The following SLC6A20 variants were observed in gnomAD, a reference collection of about 807,000 sequenced individuals.
SLC6A20 encodes the protein solute carrier family 6 member 20.
SLC6A20 carries 73 observed loss-of-function variants against 64.3 expected under a neutral mutation model. The ratio of observed to expected loss-of-function variants is 1.14; its 90% confidence interval spans 0.94 to 1.38. The LOEUF (loss-of-function observed/expected upper bound fraction) is 1.38, where lower values mean the gene tolerates loss of function less well. Ranked by LOEUF, SLC6A20 falls within the 40% of genes most tolerant of loss-of-function variation. SLC6A20 has a pLI of 0.00. For missense variants in SLC6A20, 725 were observed against 772.8 expected (o/e 0.94, Z 0.73); for synonymous variants, 347 against 329.6 (o/e 1.05, Z -0.57).
At chr3:45,767,664 A>G (rs1699798554) in intron 7 of SLC6A20, among the ~76,000 whole-genome samples, 1 of 152,220 alleles carries the variant, frequency 6.6e-6, no homozygotes. Flanking sequence ...AAAACTGATA[A>G]GAAACATTGG....
rs1230931322 is a variant in SLC6A20, at chr3:45,796,387, C to T, written c.33G>A (p.Ser11=). 8.1e-6 allele frequency: 13 copies of T among 1,612,742 alleles called. No individual in the cohort carries two copies. Among genetic ancestry groups the T allele is most frequent in the South Asian group, 1.1e-5 (1 of 90,984 alleles). ...AGATGCAGGCGAACACGAACTGTAGCGAGTTGGCCCACAGCGGCCGCGCTT... is the reference window on the plus strand; with the variant it reads ...AGATGCAGGCGAACACGAACTGTAGTGAGTTGGCCCACAGCGGCCGCGCTT... The part of the protein sequence containing the change: MEKARPLWAN[S]LQFVFACISY... The change falls in exon 1 of 11, where the codon TCG becomes TCA. Residue 11 remains serine, a synonymous_variant. Coordinates refer to ENST00000358525, the MANE Select transcript of SLC6A20 (RefSeq NM_020208.4).
rs1306993709 is a variant in SLC6A20 at position 45,771,296 on chromosome 3, T to C, written c.856A>G (p.Thr286Ala). The C allele has an allele frequency of 1.2e-6, 2 of 1,613,988 alleles. No individual in the cohort carries two copies. Among genetic ancestry groups the C allele is most frequent in the Admixed American group, 1.7e-5 (1 of 59,986 alleles). Residue 286 changes from threonine to alanine, a missense_variant, in exon 6 of 11, where the codon ACC becomes GCC. Coordinates refer to ENST00000358525, the MANE Select transcript of SLC6A20 (RefSeq NM_020208.4). The stretch of plus-strand genomic sequence containing the variant: ...GTGACAATGCTGGCAAATATGGAGG[T>C]GAAGCTGTTGATGAGGGACACGATG... ...AIIVSLINSF[T>A]SIFASIVTFS... is the part of the protein sequence containing the mutation.
At chr3:45,764,150 T>C (rs369920997) in intron 8 of SLC6A20, among the ~76,000 whole-genome samples, 1 of 151,854 alleles carries the variant, frequency 6.6e-6, no homozygotes, top group Non-Finnish European at 1.5e-5. Context: ...CTGATTGGAG[T>C]GGAGCAGATG....
intron 4 of SLC6A20, 152 bp from the exon 5 acceptor site, chr3:45,772,767 A>G (rs1699898736): frequency 3.0e-6 from 2 of 671,936 alleles, no homozygotes; most frequent in South Asian, 1.8e-5. Context: ...GGTCACACAC[A>G]GGCTCTGGGT....
At chr3:45,776,663 G>A (rs906866383) in intron 3 of SLC6A20, among the ~76,000 whole-genome samples, 1 of 152,166 alleles carries the variant, frequency 6.6e-6, no homozygotes, top group Non-Finnish European at 1.5e-5. Context: ...TACATTGCAG[G>A]AAATGCCATT....
chr3:45,777,456 G>A (rs962492074), intron 3 of SLC6A20, among the ~76,000 whole-genome samples: 36 of 152,226 alleles, frequency 2.4e-4, no homozygotes, highest in Non-Finnish European at 1.5e-5. Flanking sequence ...CAGAAGTGGT[G>A]TCTCTTGCCT....
chr3:45,777,996 T>C (rs544644755), intron 3 of SLC6A20, among the ~76,000 whole-genome samples: 9 of 152,304 alleles, frequency 5.9e-5, no homozygotes, highest in Admixed American at 4.6e-4. Context: ...ATCTCCCCAG[T>C]GTGCAGCCAG....
At chr3:45,785,332 G>A (rs999118129) in intron 1 of SLC6A20, among the ~76,000 whole-genome samples, 1 of 152,162 alleles carries the variant, frequency 6.6e-6, no homozygotes, top group Non-Finnish European at 1.5e-5. Flanking sequence ...ATTAACATTT[G>A]AGTTAGTGGG....
chr3:45,775,735 C>G, intron 4 of SLC6A20, 26 bp downstream of exon 4: 1 of 1,599,350 alleles, frequency 6.3e-7, no homozygotes, highest in Non-Finnish European at 8.5e-7. Context: ...CCAGGAGCAC[C>G]GGGCTTCTGT....
At chr3:45,763,940 C>T (rs1699728350) in intron 8 of SLC6A20, among the ~76,000 whole-genome samples, 1 of 152,178 alleles carries the variant, frequency 6.6e-6, no homozygotes, top group African/African-American at 2.4e-5. Context: ...TATGGGCACA[C>T]CTAGTGTTGG....
intron 5 of SLC6A20, 195 bp downstream of exon 5, chr3:45,772,310 G>C (rs1433080028): frequency 3.7e-6 from 2 of 538,424 alleles, no homozygotes; most frequent in Admixed American, 7.2e-5. Flanking sequence ...TTAACAGGGA[G>C]TGGGGATGAC....
chr3:45,785,845 G>A (rs1256096371), intron 1 of SLC6A20, among the ~76,000 whole-genome samples: 1 of 152,204 alleles, frequency 6.6e-6, no homozygotes, highest in African/African-American at 2.4e-5. Context: ...TGGTGTCCAT[G>A]TTGGTACCAG....
intron 1 of SLC6A20, among the ~76,000 whole-genome samples, chr3:45,791,451 A>T (rs1305463602): frequency 2.0e-5 from 3 of 152,204 alleles, no homozygotes; most frequent in African/African-American, 7.2e-5. Flanking sequence ...CTTCTCCACC[A>T]GTAGGCAGAC....
At position 45,759,943 on chromosome 3, in the gene SLC6A20, G is replaced by A. The variant is rs1699638100; in HGVS notation, c.1543C>T (p.Leu515=). 1 of 1,614,232 alleles carries A rather than the reference G, an allele frequency of 6.2e-7. No individual in the cohort carries two copies. The stretch of plus-strand genomic sequence containing the variant: ...AAGACAAAGAGGCTGACAATCAGCA[G>A]TGGGCTTACGCCAGCCCACATCACC... ...WKVMWAGVSP[L]LIVSLFVFYL... Residue 515 remains leucine (L), a synonymous_variant, in exon 10 of 11, where the codon CTG becomes TTG. Coordinates refer to ENST00000358525, the MANE Select transcript of SLC6A20 (RefSeq NM_020208.4).
intron 9 of SLC6A20, among the ~76,000 whole-genome samples, chr3:45,761,940 C>T (rs1198558593): frequency 2.0e-5 from 3 of 152,130 alleles, no homozygotes; most frequent in Non-Finnish European, 4.4e-5. Context: ...TTCAGGGATG[C>T]CTGCCTCCCA....
In SLC6A20 at chr3:45,794,901, A is replaced by G. The variant is rs181314908; in HGVS notation, c.121+1398T>C. Among the ~76,000 whole-genome samples the G allele has an allele frequency of 3.3e-5, 5 of 152,330 alleles. No homozygotes were observed. In the East Asian group the frequency reaches 9.6e-4, roughly 29 times the overall value. Reference sequence around the variant, plus strand: ...TATGCCCTTCACATCATTATGGTGTATTTATGCACTTCAAATTTTAAAAAG... The same window carrying G: ...TATGCCCTTCACATCATTATGGTGTGTTTATGCACTTCAAATTTTAAAAAG... On this transcript the variant is annotated intron_variant, in intron 1 of 10. Transcript: ENST00000358525.
chr3:45,768,596 A>G (rs1490821918), intron 7 of SLC6A20, among the ~76,000 whole-genome samples: 2 of 152,212 alleles, frequency 1.3e-5, no homozygotes, highest in African/African-American at 4.8e-5. Flanking sequence ...CCACAGGCCA[A>G]TAACAGGCAT....
intron 9 of SLC6A20, among the ~76,000 whole-genome samples, chr3:45,762,120 A>G (rs1327556454): frequency 6.6e-6 from 1 of 152,206 alleles, no homozygotes; most frequent in Non-Finnish European, 1.5e-5. Flanking sequence ...TAGTGTGAAG[A>G]TACAGGATCT....
intron 3 of SLC6A20, among the ~76,000 whole-genome samples, chr3:45,778,231 A>G (rs1700005397): frequency 1.3e-5 from 2 of 152,160 alleles, no homozygotes; most frequent in African/African-American, 2.4e-5. Flanking sequence ...CCTGAGTCCA[A>G]CCCCACCAGC....
Sources: gnomAD v4.1 joint callset for allele counts (sites outside exome capture counted in the v4.1 genomes callset) on GRCh38, gnomAD v4.1.1 for gene constraint, MANE v1.5 for transcripts, NCBI Gene and HGNC (gene_info 2026-07-23, HGNC 2026-07-21) for gene names.